The following SRD5A3 variants were observed in gnomAD, a reference collection of about 807,000 sequenced individuals.
SRD5A3 encodes polyprenal reductase.
SRD5A3 carries 24 observed loss-of-function variants against 34.3 expected under a neutral mutation model. The observed-to-expected ratio is 0.70, with a 90% CI of 0.51 to 0.99. The LOEUF is 0.99. SRD5A3 is among the 50% of genes least tolerant of loss of function. The pLI, the probability that SRD5A3 is intolerant of heterozygous loss-of-function variation, is 0.00. For synonymous variants in SRD5A3, 161 were observed against 167.3 expected (o/e 0.96, Z 0.29); for missense variants, 350 against 388.2 (o/e 0.90, Z 0.83).
Position 55,359,472 on chromosome 4 carries a change from G to T in SRD5A3, c.348G>T (p.Gly116=). ...TTCATGGTTTGCTCAGAATTCTCGGGGCGGCACAGTTCCAGGGTAAGGACT... is the reference window on the plus strand; with the variant it reads ...TTCATGGTTTGCTCAGAATTCTCGGTGCGGCACAGTTCCAGGGTAAGGACT... The part of the protein sequence containing the change: ...SWLHGLLRIL[G]AAQFQGGELA... Residue 116 remains glycine, a synonymous_variant, in exon 2 of 5, where the codon GGG becomes GGT. Transcript: ENST00000264228. 6.2e-7 allele frequency: 1 copy of T among 1,613,918 alleles called. No homozygotes were observed. The highest frequency in any genetic ancestry group is 8.5e-7 in the Non-Finnish European group (1 of 1,179,992).
intron 1 of SRD5A3, among the ~76,000 whole-genome samples, chr4:55,353,603 C>G (rs532963609): frequency 1.3e-5 from 2 of 152,346 alleles, no homozygotes; most frequent in East Asian, 1.9e-4. Flanking sequence ...GCTGCTCACT[C>G]TTTGGGTCTG....
chr4:55,364,339 C>CTGTGA (rs1719797114), intron 3 of SRD5A3, 68 bp downstream of exon 3: 3 of 1,521,138 alleles, frequency 2.0e-6, no homozygotes, highest in Non-Finnish European at 2.7e-6. Context: ...GGGGCTTGTG[C>CTGTGA]TGTGCTAAGC....
intron 2 of SRD5A3, among the ~76,000 whole-genome samples, chr4:55,361,699 G>A (rs914481367): frequency 2.0e-5 from 3 of 152,070 alleles, no homozygotes; most frequent in African/African-American, 7.2e-5. Context: ...ACTTACTCAG[G>A]AGGCTGAGGC....
chr4:55,353,307 G>A (rs377580575), intron 1 of SRD5A3, among the ~76,000 whole-genome samples: 36 of 152,204 alleles, frequency 2.4e-4, no homozygotes, highest in African/African-American at 8.4e-4. Flanking sequence ...CTAGCTAAAG[G>A]TTTGTAAACG....
intron 1 of SRD5A3, among the ~76,000 whole-genome samples, chr4:55,355,998 C>T (rs1447501441): frequency 1.9e-5 from 2 of 103,230 alleles, no homozygotes; most frequent in East Asian, 2.9e-4. Context: ...TCTTTTGCCT[C>T]CATTTTTTTT....
intron 2 of SRD5A3, among the ~76,000 whole-genome samples, chr4:55,360,038 C>G (rs2109474446): frequency 1.3e-5 from 2 of 151,978 alleles, no homozygotes; most frequent in South Asian, 4.2e-4. Flanking sequence ...CGGTGAAACC[C>G]TGTCTCTACT....
chr4:55,369,950 C>G lies in SRD5A3; in HGVS notation c.816C>G (p.Phe272Leu), dbSNP rs781373132. The change falls in exon 5 of 5, where the codon TTC (phenylalanine) becomes TTG (leucine). Residue 272 changes from phenylalanine to leucine, a missense_variant. Physicochemically the swap from Phe to Leu is conservative, Grantham distance 22. Transcript: ENST00000264228. ...TTTCCATGGCCGTCACCTTTGGGTTCCACAACTTAACTTGGTGGCTAGTGG... is the reference window on the plus strand; with the variant it reads ...TTTCCATGGCCGTCACCTTTGGGTTGCACAACTTAACTTGGTGGCTAGTGG... ...IYVSMAVTFG[F>L]HNLTWWLVVT... The G allele has an allele frequency of 3.3e-5, 54 of 1,614,074 alleles. No individual in the cohort carries two copies. Among genetic ancestry groups the G allele is most frequent in the Non-Finnish European group, 4.4e-5 (52 of 1,180,048 alleles).
chr4:55,359,195 C>T (rs1271620211), intron 1 of SRD5A3, 151 bp from the exon 2 acceptor site: 5 of 1,051,664 alleles, frequency 4.8e-6, no homozygotes, highest in Non-Finnish European at 5.7e-6. Context: ...AGAACCTGAA[C>T]ACCTATAGGA....
At chr4:55,356,000 ATTT>A (rs10648522) in intron 1 of SRD5A3, among the ~76,000 whole-genome samples, 20 of 74,264 alleles carry the variant, frequency 2.7e-4, no homozygotes, top group Non-Finnish European at 4.0e-4. Flanking sequence ...TTTTGCCTCC[ATTT>A]TTTTTTTTTT....
At chr4:55,354,719 T>C (rs916415464) in intron 1 of SRD5A3, among the ~76,000 whole-genome samples, 1 of 152,260 alleles carries the variant, frequency 6.6e-6, no homozygotes, top group African/African-American at 2.4e-5. Flanking sequence ...TTTGATATTA[T>C]AATTCTGCCA....
intron 2 of SRD5A3, 111 bp downstream of exon 2, chr4:55,359,599 G>C: frequency 6.9e-7 from 1 of 1,442,106 alleles, no homozygotes; most frequent in Non-Finnish European, 9.5e-7. Context: ...CCTCAGAAGG[G>C]CCTGGGAAGT....
chr4:55,355,595 G>A (rs972624725), intron 1 of SRD5A3, among the ~76,000 whole-genome samples: 4 of 152,174 alleles, frequency 2.6e-5, no homozygotes, highest in Non-Finnish European at 5.9e-5. Context: ...GTGTAGCTTA[G>A]CAACTTACAC....
chr4:55,367,438 C>A, intron 3 of SRD5A3, 150 bp from the exon 4 acceptor site: 3 of 872,878 alleles, frequency 3.4e-6, no homozygotes, highest in East Asian at 2.6e-5. Context: ...TATTGAGGAA[C>A]AGGTTCCCCT....
At chr4:55,366,712 C>G (rs947869409) in intron 3 of SRD5A3, 3 of 152,364 alleles carry the variant, frequency 2.0e-5, no homozygotes, top group African/African-American at 7.2e-5. Flanking sequence ...AGGGTTCCCC[C>G]TTGGCTCCAG....
intron 1 of SRD5A3, among the ~76,000 whole-genome samples, chr4:55,350,627 G>T (rs1295643883): frequency 6.6e-6 from 1 of 152,042 alleles, no homozygotes; most frequent in Non-Finnish European, 1.5e-5. Context: ...ACACTTCTGT[G>T]ATGAGAACAT....
chr4:55,349,536 T>A (rs74781033), intron 1 of SRD5A3, among the ~76,000 whole-genome samples: 1 of 143,564 alleles, frequency 7.0e-6, no homozygotes, highest in Non-Finnish European at 1.5e-5. Flanking sequence ...TCTGGTAGAT[T>A]TTTTTTTTTT....
intron 3 of SRD5A3, 89 bp downstream of exon 3, chr4:55,364,360 A>G: frequency 2.1e-6 from 3 of 1,430,252 alleles, no homozygotes; most frequent in African/African-American, 1.4e-5. Context: ...ATTATGAGAC[A>G]TGCAGAAGTA....
intron 2 of SRD5A3, among the ~76,000 whole-genome samples, chr4:55,361,208 G>A (rs1057052570): frequency 4.6e-5 from 7 of 151,996 alleles, no homozygotes; most frequent in African/African-American, 9.7e-5. Context: ...CCGGCCGGGT[G>A]TGGTGGTTCA....
chr4:55,361,604 C>T (rs1255953698), intron 2 of SRD5A3, among the ~76,000 whole-genome samples: 1 of 151,976 alleles, frequency 6.6e-6, no homozygotes, highest in Admixed American at 6.5e-5. Context: ...GAGTTCAAGA[C>T]CAGCCTGGCC....
Sources: allele counts gnomAD v4.1 joint callset (sites outside exome capture counted in the v4.1 genomes callset), GRCh38; gene constraint gnomAD v4.1.1; transcripts MANE v1.5; gene names NCBI Gene and HGNC (gene_info 2026-07-23, HGNC 2026-07-21).